The following CAMK2D variants were observed in gnomAD, a reference collection of about 807,000 sequenced individuals.
CAMK2D encodes the protein calcium/calmodulin dependent protein kinase II delta, also known as calcium/calmodulin-dependent protein kinase type II subunit delta.
Under a neutral mutation model 84.0 loss-of-function variants are expected in CAMK2D, and 37 were observed. The observed-to-expected ratio is 0.44, with a 90% CI of 0.34 to 0.58. The LOEUF (loss-of-function observed/expected upper bound fraction) is 0.58. CAMK2D is among the 20% of genes least tolerant of loss of function. The probability of loss-of-function intolerance (pLI) is 0.02; values close to 1 mark genes in which losing one functional copy is unlikely to be tolerated. For synonymous variants in CAMK2D, 202 were observed against 212.5 expected, an observed-to-expected ratio of 0.95 and a Z score of 0.43; for missense variants, 448 against 652.5, an observed-to-expected ratio of 0.69 and a Z score of 3.41.
At chr4:113,583,879 T>C (rs1054044125) in intron 4 of CAMK2D, among the ~76,000 whole-genome samples, 3 of 152,204 alleles carry the variant, frequency 2.0e-5, no homozygotes, top group African/African-American at 7.2e-5. Flanking sequence ...AAGGTACTAG[T>C]GTCTCAGTGT....
rs114362304 is a variant in CAMK2D, at chr4:113,596,640, G to A, written c.275+12512C>T. ...CTCTTGGGCAACTAGGTCAATTGTC[G>A]GTGTGCAGTAATATTTGAAAGAAAT... On this transcript the variant is annotated intron_variant, in intron 4 of 20. Transcript: ENST00000511664. 8.9e-3 allele frequency among the ~76,000 whole-genome samples: 1,361 copies of A among 152,140 alleles called. 19 individuals carry two copies. Among genetic ancestry groups the A allele is most frequent in the African/African-American group, 0.031 (1,274 of 41,484 alleles).
At chr4:113,681,305 G>A (rs1305574895) in intron 2 of CAMK2D, among the ~76,000 whole-genome samples, 2 of 152,068 alleles carry the variant, frequency 1.3e-5, no homozygotes, top group Admixed American at 6.5e-5. Flanking sequence ...CATGGGGGTG[G>A]TTACCCCCAT....
intron 2 of CAMK2D, among the ~76,000 whole-genome samples, chr4:113,674,801 G>A (rs1485692537): frequency 6.6e-6 from 1 of 151,872 alleles, no homozygotes; most frequent in Non-Finnish European, 1.5e-5. Context: ...AGCCCCAGGT[G>A]CTTAGTGGGT....
intron 16 of CAMK2D, among the ~76,000 whole-genome samples, chr4:113,468,941 G>T (rs1247856971): frequency 6.6e-6 from 1 of 152,168 alleles, no homozygotes; most frequent in Non-Finnish European, 1.5e-5. Context: ...ATACTCATAG[G>T]ACACAAAGTA....
intron 2 of CAMK2D, among the ~76,000 whole-genome samples, chr4:113,744,876 A>C (rs1206164624): frequency 1.3e-5 from 2 of 152,212 alleles, no homozygotes; most frequent in Non-Finnish European, 2.9e-5. Flanking sequence ...TCTTTTTGAT[A>C]AGTCAGTGTG....
chr4:113,532,591 C>G (rs771310779), intron 7 of CAMK2D, among the ~76,000 whole-genome samples: 24 of 152,176 alleles, frequency 1.6e-4, no homozygotes, highest in Non-Finnish European at 3.2e-4. Flanking sequence ...GCCAGCACTT[C>G]TGTCCCCTCC....
intron 2 of CAMK2D, 42 bp from the exon 3 acceptor site, chr4:113,661,814 AAAT>A (rs1178246420): frequency 3.0e-6 from 3 of 984,236 alleles, no homozygotes; most frequent in African/African-American, 1.7e-5. Context: ...ATAAAGCAAA[AAAT>A]AATAAAACAC....
intron 2 of CAMK2D, among the ~76,000 whole-genome samples, chr4:113,723,459 A>G (rs2099537204): frequency 6.6e-6 from 1 of 152,080 alleles, no homozygotes; most frequent in Non-Finnish European, 1.5e-5. Flanking sequence ...CATGGCCTCA[A>G]GTGATCTGCC....
intron 7 of CAMK2D, among the ~76,000 whole-genome samples, chr4:113,534,604 T>C (rs1287346979): frequency 2.0e-5 from 3 of 152,206 alleles, no homozygotes; most frequent in African/African-American, 7.2e-5. Flanking sequence ...TTTATTTGGA[T>C]GCTATTGCTT....
chr4:113,718,103 G>C (rs2099519114), intron 2 of CAMK2D, among the ~76,000 whole-genome samples: 1 of 151,246 alleles, frequency 6.6e-6, no homozygotes, highest in South Asian at 2.1e-4. Context: ...CCTAGACAGA[G>C]AAGATTTACC....
rs551491622 is a variant in CAMK2D, at chr4:113,512,761, C to T, written c.946+567G>A. ...CTAATTTTTGTATTTTTAGTAGAGA[C>T]GGGGTTTCACCATGTTGGCCAGGAT... On this transcript the variant is annotated intron_variant, in intron 12 of 20. Transcript: ENST00000511664. Among the ~76,000 whole-genome samples the T allele has an allele frequency of 2.6e-4, 40 of 152,108 alleles. 1 individual carries two copies. The highest frequency in any genetic ancestry group is 1.7e-3 in the Admixed American group (26 of 15,282).
At chr4:113,672,497 G>A (rs977087315) in intron 2 of CAMK2D, among the ~76,000 whole-genome samples, 10 of 151,980 alleles carry the variant, frequency 6.6e-5, no homozygotes, top group Non-Finnish European at 1.0e-4. Context: ...AGCTGTTTTG[G>A]AAGATGAAGT....
chr4:113,483,696 G>A (rs1017823795), intron 16 of CAMK2D, among the ~76,000 whole-genome samples: 3 of 152,004 alleles, frequency 2.0e-5, no homozygotes, highest in Non-Finnish European at 4.4e-5. Flanking sequence ...GTGAGCCACC[G>A]TGCCTGGCCG....
rs2099099039 is a variant in CAMK2D, at chr4:113,633,611, G to T, written c.221-24405C>A. On this transcript the variant is annotated intron_variant, in intron 3 of 20. Transcript: ENST00000511664. The stretch of plus-strand genomic sequence containing the variant: ...AGTATATTTAGTCATTGCTACAACT[G>T]TCATTTCCAATAGGATAAATAAAAT... 3.9e-5 allele frequency among the ~76,000 whole-genome samples: 6 copies of T among 152,272 alleles called. No homozygotes were observed. The South Asian group carries it at 1.2e-3, about 32-fold the overall frequency.
At chr4:113,592,694 A>G (rs1398940171) in intron 4 of CAMK2D, among the ~76,000 whole-genome samples, 2 of 152,256 alleles carry the variant, frequency 1.3e-5, no homozygotes, top group East Asian at 3.9e-4. Flanking sequence ...CCTATAATAT[A>G]TAAGAAACAG....
At chr4:113,507,099 GACTA>G (rs1177632027) in intron 13 of CAMK2D, among the ~76,000 whole-genome samples, 9 of 152,030 alleles carry the variant, frequency 5.9e-5, no homozygotes, top group Admixed American at 5.2e-4. Context: ...TTAATGTAAA[GACTA>G]ACTAAATGAT....
chr4:113,724,827 A>C (rs913258884), intron 2 of CAMK2D, among the ~76,000 whole-genome samples: 13 of 151,966 alleles, frequency 8.6e-5, no homozygotes, highest in South Asian at 4.1e-4. Context: ...CATACATTTA[A>C]CACTATGATA....
At position 113,609,193 on chromosome 4, in the gene CAMK2D, A is replaced by T; in HGVS notation, c.234T>A (p.Asp78Glu). The T allele has an allele frequency of 6.3e-7, 1 of 1,580,784 alleles. No homozygotes were observed. The highest frequency in any genetic ancestry group is 8.7e-7 in the Non-Finnish European group (1 of 1,149,848). ...LKHPNIVRLH[D>E]SISEEGFHYL... The stretch of plus-strand genomic sequence containing the variant: ...AGTGAAAGCCCTCTTCTGATATGCT[A>T]TCATGAAGTCGCACTAGAAAAAAAT... Residue 78 changes from aspartate to glutamate, a missense_variant, in exon 4 of 21, where the codon GAT becomes GAA. This residue lies in a region of CAMK2D where 46 missense variants were observed against 46.3 expected (regional missense o/e 0.99). Coordinates refer to ENST00000511664, the MANE Select transcript of CAMK2D (RefSeq NM_001321571.2).
chr4:113,671,364 T>A (rs1393421504), intron 2 of CAMK2D, among the ~76,000 whole-genome samples: 1 of 152,194 alleles, frequency 6.6e-6, no homozygotes, highest in Non-Finnish European at 1.5e-5. Flanking sequence ...GAGGTAACTG[T>A]GAAGCTAAAG....
Sources: gnomAD v4.1 joint callset for allele counts (sites outside exome capture counted in the v4.1 genomes callset) on GRCh38, gnomAD v4.1.1 for gene constraint, gnomAD v4.1.1 regional missense constraint, MANE v1.5 for transcripts, NCBI Gene and HGNC (gene_info 2026-07-23, HGNC 2026-07-21) for gene names.